APOLD1: variants seen among roughly 807,000 people sequenced by gnomAD.
APOLD1 encodes apolipoprotein L domain-containing protein 1.
Under a neutral mutation model 15.3 loss-of-function variants are expected in APOLD1, and 22 were observed. The ratio of observed to expected loss-of-function variants is 1.44; its 90% CI spans 1.03 to 2.05. APOLD1 has a LOEUF of 2.05. Ranked by LOEUF, APOLD1 falls within the 30% of genes most tolerant of loss-of-function variation. The pLI, the probability that APOLD1 is intolerant of heterozygous loss-of-function variation, is 0.00. For synonymous variants in APOLD1, 190 were observed against 167.4 expected (o/e 1.13, Z -1.04); for missense variants, 394 against 353.5 (o/e 1.11, Z -0.92).
At chr12:12,753,990 G>A (rs1319146380) in intron 1 of APOLD1, among the ~76,000 whole-genome samples, 5 of 151,572 alleles carry the variant, frequency 3.3e-5, no homozygotes, top group Non-Finnish European at 7.4e-5. Context: ...TGAGGTGGGC[G>A]GATCACCTGA....
chr12:12,770,353 C>T (rs1417326177), intron 1 of APOLD1, among the ~76,000 whole-genome samples: 4 of 152,026 alleles, frequency 2.6e-5, no homozygotes, highest in Non-Finnish European at 5.9e-5. Context: ...TGCACTGAGC[C>T]GAAATCGTGC....
At chr12:12,777,272 C>A (rs1404350071) in intron 1 of APOLD1, among the ~76,000 whole-genome samples, 1 of 152,186 alleles carries the variant, frequency 6.6e-6, no homozygotes, top group East Asian at 1.9e-4. Context: ...CTAAGCTCAG[C>A]CAACCCAGTG....
At chr12:12,726,156 C>CAAAAAAAAAA (rs745785485) in intron 1 of APOLD1, 52 of 113,632 alleles carry the variant, frequency 4.6e-4, no homozygotes, top group Middle Eastern at 3.4e-3. Flanking sequence ...TCTTCGCAAC[C>CAAAAAAAAAA]AAAAAAAAAA....
chr12:12,730,327 T>A (rs1157983339), intron 1 of APOLD1, among the ~76,000 whole-genome samples: 2 of 152,180 alleles, frequency 1.3e-5, no homozygotes, highest in Non-Finnish European at 2.9e-5. Flanking sequence ...TCTGGAATCC[T>A]ACTGCCTGGG....
At chr12:12,730,071 TGTGTGTGAGAGA>T (rs776264259) in intron 1 of APOLD1, among the ~76,000 whole-genome samples, 15,348 of 58,796 alleles carry the variant, frequency 0.26, 897 homozygotes, top group Non-Finnish European at 0.3. Flanking sequence ...TGTGTGTGTG[TGTGTGTGAGAGA>T]GAGAGAGAGA....
chr12:12,761,512 T>C (rs1946898087), intron 1 of APOLD1, among the ~76,000 whole-genome samples: 1 of 152,148 alleles, frequency 6.6e-6, no homozygotes, highest in South Asian at 2.1e-4. Context: ...GTATGCCTTT[T>C]GTTCAAGCAA....
chr12:12,751,406 A>G (rs1180681295), intron 1 of APOLD1, among the ~76,000 whole-genome samples: 4 of 152,110 alleles, frequency 2.6e-5, no homozygotes, highest in Non-Finnish European at 4.4e-5. Context: ...GCTAGAGTGC[A>G]GTGGTGTAAA....
At chr12:12,780,249 CTT>C (rs11288514) in intron 1 of APOLD1, among the ~76,000 whole-genome samples, 8,627 of 145,424 alleles carry the variant, frequency 0.059, 353 homozygotes, top group Admixed American at 0.12. Context: ...TTTTAATTTG[CTT>C]TTTTTTTTTT....
At chr12:12,734,168 A>G (rs1365556954) in intron 1 of APOLD1, among the ~76,000 whole-genome samples, 1 of 152,178 alleles carries the variant, frequency 6.6e-6, no homozygotes, top group African/African-American at 2.4e-5. Flanking sequence ...TAACTCAAGG[A>G]TATCTTAACA....
At chr12:12,733,383 C>T (rs1946658676) in intron 1 of APOLD1, among the ~76,000 whole-genome samples, 1 of 151,768 alleles carries the variant, frequency 6.6e-6, no homozygotes, top group Admixed American at 6.6e-5. Context: ...AGACCAAAAG[C>T]AGGCACAGAA....
At chr12:12,781,483 G>A (rs1357439060), upstream of APOLD1, among the ~76,000 whole-genome samples, 1 of 151,496 alleles carries the variant, frequency 6.6e-6, no homozygotes, top group Non-Finnish European at 1.5e-5. Context: ...AAATGGAGGT[G>A]GCCCAGTCCT....
chr12:12,779,992 C>T (rs889919194), intron 1 of APOLD1, among the ~76,000 whole-genome samples: 5 of 152,110 alleles, frequency 3.3e-5, no homozygotes, highest in African/African-American at 9.6e-5. Context: ...ATATAGATAT[C>T]CTAGAGGTCT....
At chr12:12,725,944 G>A in exon 1 of APOLD1, 2 of 1,366,828 alleles carry the variant, frequency 1.5e-6, no homozygotes, top group Non-Finnish European at 1.9e-6. Flanking sequence ...GGGTGCGCGG[G>A]GCGGTCAGCG....
chr12:12,759,381 C>T (rs1227757940), intron 1 of APOLD1, among the ~76,000 whole-genome samples: 1 of 151,786 alleles, frequency 6.6e-6, no homozygotes, highest in Non-Finnish European at 1.5e-5. Flanking sequence ...CTTGTGTCCC[C>T]TTGGCAGAAC....
chr12:12,729,362 A>G (rs1229883786), intron 1 of APOLD1, among the ~76,000 whole-genome samples: 4 of 152,020 alleles, frequency 2.6e-5, no homozygotes, highest in Non-Finnish European at 4.4e-5. Flanking sequence ...TTTTTAAAAA[A>G]ATCTCAGAGT....
rs1565440270 is a variant in APOLD1, at chr12:12,789,435, C to A, written c.*1783C>A. On this transcript the variant is annotated 3_prime_UTR_variant, in exon 2 of 2. Transcript: ENST00000356591. ...ATTGTGGGATATATAACTGAGGAAG[C>A]ATATTTATCCTGAAGGTATTTTGCC... The A allele has an allele frequency of 6.6e-6, 1 of 152,218 alleles. No homozygotes were observed. Among genetic ancestry groups the A allele is most frequent in the Non-Finnish European group, 1.5e-5 (1 of 68,044 alleles). 9.4% of individuals were successfully genotyped at this position (152,218 alleles called of 1,614,324 possible).
At chr12:12,786,308 G>C (rs1048656960) in intron 1 of APOLD1, among the ~76,000 whole-genome samples, 1 of 152,156 alleles carries the variant, frequency 6.6e-6, no homozygotes, top group Non-Finnish European at 1.5e-5. Flanking sequence ...TTTTAGGCTT[G>C]ATTCTAAGAA....
At position 12,752,663 on chromosome 12, in the gene APOLD1, A is replaced by G. The variant is rs146223088; in HGVS notation, c.96+26567A>G. On this transcript the variant is annotated intron_variant, in intron 1 of 1. Transcript: ENST00000326765. ...GAAACAAGAAATTTCCAGGAACCAG[A>G]AACTATGACAAATCCCTAAATGACA... Among the ~76,000 whole-genome samples, 11 of 152,356 alleles carry G rather than the reference A, an allele frequency of 7.2e-5. No individual in the cohort carries two copies. In the East Asian group the frequency reaches 2.1e-3, roughly 29 times the overall value.
At chr12:12,779,444 TA>T (rs1947062886) in intron 1 of APOLD1, among the ~76,000 whole-genome samples, 1 of 152,172 alleles carries the variant, frequency 6.6e-6, no homozygotes, top group South Asian at 2.1e-4. Flanking sequence ...AACATTAATA[TA>T]AGCAAATTCT....
Sources: allele counts gnomAD v4.1 joint callset (sites outside exome capture counted in the v4.1 genomes callset), GRCh38; gene constraint gnomAD v4.1.1; transcripts MANE v1.5; gene names NCBI Gene and HGNC (gene_info 2026-07-23, HGNC 2026-07-21).